Variants in RABL6 observed in about 807,000 individuals in gnomAD.
RABL6 encodes RAB, member RAS oncogene family like 6, also known as rab-like protein 6.
In RABL6, 28 loss-of-function variants were observed where a neutral mutation model predicts 72.9. The observed-to-expected ratio is 0.38, with a 90% CI of 0.28 to 0.53. The LOEUF is 0.53. Among genes scored for constraint, RABL6 ranks in the 20% least tolerant of loss-of-function variants. The probability of loss-of-function intolerance (pLI) is 0.80; values close to 1 mark genes in which losing one functional copy is unlikely to be tolerated. For synonymous variants in RABL6, 477 were observed against 421.2 expected, an observed-to-expected ratio of 1.13 and a Z score of -1.62; for missense variants, 1,029 against 1,008.4, an observed-to-expected ratio of 1.02 and a Z score of -0.28.
At position 136,823,581 on chromosome 9, in the gene RABL6, C is replaced by T. The variant is rs577864527; in HGVS notation, c.187C>T (p.Leu63=). The T allele has an allele frequency of 6.2e-7, 1 of 1,613,898 alleles. No individual in the cohort carries two copies. Among genetic ancestry groups the T allele is most frequent in the Non-Finnish European group, 8.5e-7 (1 of 1,179,868 alleles). ...NTGKTALWHR[L]QGRPFVEEYI... ...GGGCAAGACAGCGCTGTGGCACCGC[C>T]TGCAGGGCCGGCCGTTCGTGGAGGA... Residue 63 remains leucine (L), a synonymous_variant, in exon 2 of 15, where the codon CTG becomes TTG. Transcript: ENST00000311502.
At chr9:136,822,529 TC>T (rs1376637397) in intron 1 of RABL6, among the ~76,000 whole-genome samples, 3 of 152,192 alleles carry the variant, frequency 2.0e-5, no homozygotes, top group Non-Finnish European at 4.4e-5. Flanking sequence ...ATCCTGTTCT[TC>T]CAGCACCTCC....
intron 3 of RABL6, 43 bp from the exon 4 acceptor site, chr9:136,828,451 C>T: frequency 1.2e-6 from 2 of 1,605,988 alleles, no homozygotes; most frequent in Non-Finnish European, 1.7e-6. Flanking sequence ...TGGCCCAAGG[C>T]CCAGGGGTTC....
In RABL6 at chr9:136,838,981, A is replaced by T; in HGVS notation, c.1353A>T (p.Pro451=). The T allele has an allele frequency of 6.2e-7, 1 of 1,611,768 alleles. No individual in the cohort carries two copies. The highest frequency in any genetic ancestry group is 8.5e-7 in the Non-Finnish European group (1 of 1,179,516). The change falls in exon 11 of 15, where the codon CCA becomes CCT. Residue 451 remains proline, a synonymous_variant. Transcript: ENST00000311502. ...ACGATGTGGACCTCGAAGACCAGCCACGTGGGAGTCCCCCGCTGCCTGCAG... is the reference window on the plus strand; with the variant it reads ...ACGATGTGGACCTCGAAGACCAGCCTCGTGGGAGTCCCCCGCTGCCTGCAG... ...FQDDVDLEDQ[P]RGSPPLPAGP...
At chr9:136,825,192 G>A (rs1335934433) in intron 2 of RABL6, among the ~76,000 whole-genome samples, 1 of 152,248 alleles carries the variant, frequency 6.6e-6, no homozygotes, top group Non-Finnish European at 1.5e-5. Context: ...GGAGGGTCCG[G>A]CCTCCGCCCT....
intron 2 of RABL6, among the ~76,000 whole-genome samples, chr9:136,825,040 C>T (rs1019283028): frequency 5.9e-5 from 9 of 152,200 alleles, no homozygotes; most frequent in African/African-American, 9.6e-5. Flanking sequence ...CGGGAGGCTC[C>T]ATCCATCAGC....
intron 1 of RABL6, 80 bp downstream of exon 1, chr9:136,808,406 G>A (rs1847917234): frequency 7.4e-7 from 1 of 1,343,152 alleles, no homozygotes; most frequent in South Asian, 1.8e-5. Flanking sequence ...GCGGTGGTGG[G>A]TGTCGGTCTC....
intron 14 of RABL6, 27 bp from the exon 15 acceptor site, chr9:136,840,295 A>G: frequency 1.2e-6 from 2 of 1,606,670 alleles, no homozygotes; most frequent in Non-Finnish European, 1.7e-6. Flanking sequence ...CTGTGACTCC[A>G]TGGCGCCCCA....
In RABL6 at chr9:136,828,410, G is replaced by A. The variant is rs1346192533; in HGVS notation, c.314-84G>A. 16 of 1,395,634 alleles carry A rather than the reference G, an allele frequency of 1.1e-5. 1 individual carries two copies. The highest frequency in any genetic ancestry group is 1.6e-5 in the Non-Finnish European group (16 of 994,666). The allele number at this position is 1,395,634 out of a possible 1,614,324, so 86.5% of individuals were successfully genotyped here. On this transcript the variant is annotated intron_variant, in intron 3 of 14. Transcript: ENST00000311502. ...AGAGCACCCGCTGGAGCTGGGGGCTGAGTGGCCATGGGGGGACCATGCTCC... is the reference window on the plus strand; with the variant it reads ...AGAGCACCCGCTGGAGCTGGGGGCTAAGTGGCCATGGGGGGACCATGCTCC...
At chr9:136,816,307 G>A (rs536169887) in intron 1 of RABL6, among the ~76,000 whole-genome samples, 29 of 152,132 alleles carry the variant, frequency 1.9e-4, no homozygotes, top group Admixed American at 1.6e-3. Context: ...GTTTCACCAT[G>A]TTGCCCAGGC....
rs1240814927 is a variant in RABL6 at position 136,830,398 on chromosome 9, G to T, written c.458+914G>T. Among the ~76,000 whole-genome samples, 3 of 152,376 alleles carry T rather than the reference G, an allele frequency of 2.0e-5. No individual in the cohort carries two copies. The East Asian group carries it at 5.8e-4, about 29-fold the overall frequency. ...ACCATGCCTGCCCTCCCAGCCTTCA[G>T]CACCACCACCAAGGACTGACCGCAG... On this transcript the variant is annotated intron_variant, in intron 5 of 14. Coordinates refer to ENST00000311502, the MANE Select transcript of RABL6 (RefSeq NM_024718.5).
At chr9:136,810,446 A>G (rs920608266) in intron 1 of RABL6, among the ~76,000 whole-genome samples, 17 of 152,394 alleles carry the variant, frequency 1.1e-4, no homozygotes, top group African/African-American at 4.1e-4. Flanking sequence ...ATTACATTTT[A>G]GAAAGATGTT....
At chr9:136,838,800 C>T in intron 10 of RABL6, 109 bp from the exon 11 acceptor site, 4 of 1,019,494 alleles carry the variant, frequency 3.9e-6, no homozygotes, top group Non-Finnish European at 5.6e-6. Flanking sequence ...GTGGGGTGGC[C>T]CCACGGCCAG....
intron 12 of RABL6, 71 bp from the exon 13 acceptor site, chr9:136,839,623 G>A: frequency 6.5e-7 from 1 of 1,544,058 alleles, no homozygotes; most frequent in African/African-American, 1.4e-5. Flanking sequence ...TTGCCGGCCT[G>A]GTTTGAGATC....
rs1165034949 is a variant in RABL6, at chr9:136,837,873, G to A, written c.1138G>A (p.Ala380Thr). The change falls in exon 10 of 15, where the codon GCC becomes ACC. Residue 380 changes from alanine to threonine, a missense_variant. Ala to Thr is a moderately conservative substitution (Grantham distance 58). Around this residue, in one of 2 missense-constraint regions of RABL6, gnomAD observed 434 missense variants for 536.1 expected, o/e 0.81. Coordinates refer to ENST00000311502, the MANE Select transcript of RABL6 (RefSeq NM_024718.5). ...AAPPPPEPVP[A>T]AEGPATVQSV... ...ATCACTGTTCACAGAGCCAGTCCCG[G>A]CCGCAGAGGGCCCAGCAACGGTCCA... 4.5e-6 allele frequency: 7 copies of A among 1,549,546 alleles called. No individual in the cohort carries two copies. The highest frequency in any genetic ancestry group is 6.1e-6 in the Non-Finnish European group (7 of 1,147,226).
At position 136,835,221 on chromosome 9, in the gene RABL6, T is replaced by C. The variant is rs1002784706; in HGVS notation, c.706-521T>C. ...GTGAGGCTCCGGCGTTTGTATTTCA[T>C]TTGAATCTAAAGTGAGCAGCCACAG... On this transcript the variant is annotated intron_variant, in intron 7 of 14. Coordinates refer to ENST00000311502, the MANE Select transcript of RABL6 (RefSeq NM_024718.5). 3 of 152,224 alleles carry C rather than the reference T, an allele frequency of 2.0e-5. No homozygotes were observed. In the East Asian group the frequency reaches 5.8e-4, roughly 29 times the overall value. 9.4% of individuals were successfully genotyped at this position (152,224 alleles called of 1,614,324 possible). A position where few individuals can be genotyped will look rare whatever the true frequency, so the allele number is the denominator to read the frequency against.
chr9:136,821,108 T>C (rs1294715858), intron 1 of RABL6, among the ~76,000 whole-genome samples: 1 of 152,184 alleles, frequency 6.6e-6, no homozygotes, highest in Admixed American at 6.5e-5. Context: ...GCAGTGGCAT[T>C]GGGAGGCTTT....
At chr9:136,835,949 C>T in intron 8 of RABL6, 104 bp downstream of exon 8, 1 of 1,144,188 alleles carries the variant, frequency 8.7e-7, no homozygotes, top group South Asian at 1.4e-5. Flanking sequence ...GGAGTGTCCC[C>T]TGTTTGGGGT....
chr9:136,827,097 T>C (rs1848376535), intron 3 of RABL6: 1 of 152,206 alleles, frequency 6.6e-6, no homozygotes, highest in Admixed American at 6.5e-5. Context: ...ATGTGTACCC[T>C]TGCACCCACC....
Position 136,839,887 on chromosome 9 carries a change from C to T in RABL6, c.1930+22C>T, listed in dbSNP as rs201554939. On this transcript the variant is annotated intron_variant, in intron 13 of 14. Coordinates refer to ENST00000311502, the MANE Select transcript of RABL6 (RefSeq NM_024718.5). ...GAAGGTGGGTGGGGGCACCAGAGTGCGGTCAGCCTGCTGGAGTTTGGGTAG... is the reference window on the plus strand; with the variant it reads ...GAAGGTGGGTGGGGGCACCAGAGTGTGGTCAGCCTGCTGGAGTTTGGGTAG... 230 of 1,604,440 alleles carry T rather than the reference C, an allele frequency of 1.4e-4. 1 individual carries two copies. Among genetic ancestry groups the T allele is most frequent in the South Asian group, 6.6e-5 (6 of 90,278 alleles).
Sources: gnomAD v4.1 joint callset for allele counts (sites outside exome capture counted in the v4.1 genomes callset) on GRCh38, gnomAD v4.1.1 for gene constraint, gnomAD v4.1.1 regional missense constraint, MANE v1.5 for transcripts, NCBI Gene and HGNC (gene_info 2026-07-23, HGNC 2026-07-21) for gene names.